The following ZNF445 variants were observed in gnomAD, a reference collection of about 807,000 sequenced individuals.
The protein encoded by ZNF445 is zinc finger protein 445, also known as zinc finger protein 168.
In ZNF445, 19 loss-of-function variants were observed where a neutral mutation model predicts 93.9. The observed-to-expected ratio is 0.20, with a 90% CI of 0.14 to 0.30. ZNF445 has a LOEUF of 0.30. ZNF445 is among the 10% of genes least tolerant of loss of function. ZNF445 has a pLI of 1.00. For missense variants in ZNF445, 1,058 were observed against 1,259.4 expected (o/e 0.84, Z 2.42); for synonymous variants, 449 against 446.3 (o/e 1.01, Z -0.08).
In ZNF445 at chr3:44,451,502, G is replaced by C; in HGVS notation, c.430-20C>G. Reference sequence around the variant, plus strand: ...CGGGTCCTGGCAAGAAGAAAATGTTGTGAGAGGATCTTTCTGGGAATCAGA... The same window carrying C: ...CGGGTCCTGGCAAGAAGAAAATGTTCTGAGAGGATCTTTCTGGGAATCAGA... On this transcript the variant is annotated intron_variant, in intron 3 of 7. Coordinates refer to ENST00000396077, the MANE Select transcript of ZNF445 (RefSeq NM_181489.6). 3 of 1,588,904 alleles carry C rather than the reference G, an allele frequency of 1.9e-6. No individual in the cohort carries two copies. The highest frequency in any genetic ancestry group is 2.6e-6 in the Non-Finnish European group (3 of 1,161,866).
In ZNF445 at chr3:44,446,604, G is replaced by T. The variant is rs777987649; in HGVS notation, c.3067C>A (p.Arg1023=). 6.2e-7 allele frequency: 1 copy of T among 1,614,182 alleles called. No individual in the cohort carries two copies. The highest frequency in any genetic ancestry group is 8.5e-7 in the Non-Finnish European group (1 of 1,180,038). Residue 1023 remains arginine (R), a synonymous_variant, in exon 8 of 8, where the codon CGG becomes AGG. Transcript: ENST00000396077. This position sits in a 1 kb window ranked among gnomAD's most constrained non-coding sequence, Gnocchi z 4.2. ...TCTCTAATATGGTTTTTCATATGCC[G>T]AGCCAGGTTCGAAGACCACCTGAAG... ...KTFRWSSNLA[R]HMKNHIRD is the part of the protein sequence containing the mutation.
Position 44,433,999 on chromosome 3 carries a change from C to T in ZNF445, c.*12576G>A, listed in dbSNP as rs944616456. 5.3e-5 allele frequency: 8 copies of T among 152,150 alleles called. No homozygotes were observed. The highest frequency in any genetic ancestry group is 5.2e-4 in the Admixed American group (8 of 15,276). The allele number at this position is 152,150 out of a possible 1,614,324, so 9.4% of individuals were successfully genotyped here. A position where few individuals can be genotyped will look rare whatever the true frequency, so the allele number is the denominator to read the frequency against. ...TAGAGCTGAGACTCCCAGGCAGCCC[C>T]TTTGGAAAACAGTTTGGCATTTCCC... is the stretch of plus-strand genomic sequence containing the variant. On this transcript the variant is annotated 3_prime_UTR_variant, in exon 8 of 8. Transcript: ENST00000396077.
chr3:44,470,835 G>A (rs1269487634), intron 1 of ZNF445, among the ~76,000 whole-genome samples: 1 of 152,116 alleles, frequency 6.6e-6, no homozygotes, highest in Non-Finnish European at 1.5e-5. Context: ...CAGTAGAAGG[G>A]ACAGCACATT....
Position 44,441,810 on chromosome 3 carries a change from G to A in ZNF445, c.*4765C>T, listed in dbSNP as rs1398329700. The A allele has an allele frequency of 6.6e-6, 1 of 152,042 alleles. No individual in the cohort carries two copies. The highest frequency in any genetic ancestry group is 1.5e-5 in the Non-Finnish European group (1 of 68,004). The allele number at this position is 152,042 out of a possible 1,614,324, so 9.4% of individuals were successfully genotyped here. On this transcript the variant is annotated 3_prime_UTR_variant, in exon 8 of 8. Transcript: ENST00000396077. ...CATGTACCCTCCCCAAATCCATCAG[G>A]TCTCCTGCCTTAGGAAGGCAGAATG...
intron 7 of ZNF445, 25 bp from the exon 8 acceptor site, chr3:44,448,764 A>T (rs1697915983): frequency 6.3e-7 from 1 of 1,588,084 alleles, no homozygotes; most frequent in Non-Finnish European, 8.5e-7. Context: ...AACACAAGAG[A>T]ATGTACTCTT....
chr3:44,467,218 T>A (rs1205173227), intron 1 of ZNF445, among the ~76,000 whole-genome samples: 1 of 152,266 alleles, frequency 6.6e-6, no homozygotes, highest in Non-Finnish European at 1.5e-5. Flanking sequence ...AATATAATCC[T>A]GTGAACAAAA....
Position 44,439,520 on chromosome 3 carries a change from A to C in ZNF445, c.*7055T>G, listed in dbSNP as rs781665305. The C allele has an allele frequency of 6.6e-6, 1 of 152,264 alleles. No homozygotes were observed. The highest frequency in any genetic ancestry group is 1.5e-5 in the Non-Finnish European group (1 of 68,138). The allele number at this position is 152,264 out of a possible 1,614,324, so 9.4% of individuals were successfully genotyped here. The stretch of plus-strand genomic sequence containing the variant: ...ATTAGTAGCTGGGACCTCTCCACAG[A>C]AGCACAGATCCAAAGGCCACAGGGC... On this transcript the variant is annotated 3_prime_UTR_variant, in exon 8 of 8. Transcript: ENST00000396077.
Position 44,444,761 on chromosome 3 carries a change from T to C in ZNF445, c.*1814A>G, listed in dbSNP as rs1367606645. ...CAGAGCCTTCATTTTCACCTGCTCA[T>C]GGCAATCCAGAGCAGGTAAGATTAT... is the stretch of plus-strand genomic sequence containing the variant. On this transcript the variant is annotated 3_prime_UTR_variant, in exon 8 of 8. Transcript: ENST00000396077. 6.6e-6 allele frequency: 1 copy of C among 152,156 alleles called. No homozygotes were observed. Among genetic ancestry groups the C allele is most frequent in the Non-Finnish European group, 1.5e-5 (1 of 68,052 alleles). 9.4% of individuals were successfully genotyped at this position (152,156 alleles called of 1,614,324 possible). A position where few individuals can be genotyped will look rare whatever the true frequency, so the allele number is the denominator to read the frequency against.
chr3:44,447,489 T>C lies in ZNF445; in HGVS notation c.2182A>G (p.Lys728Glu). ...TTTCTTTTCATGGCATGCTTCTTCT[T>C]ATGAACAATAAAGGCTGACCTATAG... ...FAYRSAFIVHKKKHAMKRKPE... is the reference protein window; with the variant it reads ...FAYRSAFIVHEKKHAMKRKPE... The change falls in exon 8 of 8, where the codon AAG (lysine) becomes GAG (glutamate). Residue 728 changes from lysine (K) to glutamate (E), a missense_variant. By Grantham distance (56) the Lys-to-Glu change is moderately conservative. Around this residue, in one of 3 missense-constraint regions of ZNF445, gnomAD observed 387 missense variants for 475.7 expected, o/e 0.81. Transcript: ENST00000396077. The surrounding 1 kb of genome is among the most constrained non-coding windows in gnomAD (Gnocchi z 4.7). 6.2e-7 allele frequency: 1 copy of C among 1,614,194 alleles called. No individual in the cohort carries two copies. Among genetic ancestry groups the C allele is most frequent in the African/African-American group, 1.3e-5 (1 of 75,054 alleles).
At chr3:44,454,520 ACC>A (rs1698000604) in intron 3 of ZNF445, among the ~76,000 whole-genome samples, 2 of 152,120 alleles carry the variant, frequency 1.3e-5, no homozygotes, top group African/African-American at 2.4e-5. Context: ...TGCAGCCTTG[ACC>A]TAACCTGGGT....
chr3:44,447,849 A>G lies in ZNF445; in HGVS notation c.1822T>C (p.Cys608Arg). Residue 608 changes from cysteine to arginine, a missense_variant, in exon 8 of 8, where the codon TGT (cysteine) becomes CGT (arginine). By Grantham distance (180) the Cys-to-Arg change is radical. Around this residue, in one of 3 missense-constraint regions of ZNF445, gnomAD observed 657 missense variants for 746.4 expected, o/e 0.88. Coordinates refer to ENST00000396077, the MANE Select transcript of ZNF445 (RefSeq NM_181489.6). The surrounding 1 kb of genome is among the most constrained non-coding windows in gnomAD (Gnocchi z 4.7). The part of the protein sequence containing the change: ...DCSQCRKSFH[C>R]KSYVLEHQRI... ...TGATGTTCAAGAACATATGACTTAC[A>G]GTGGAAGGATTTCCTGCACTGGCTG... 1 of 1,614,108 alleles carries G rather than the reference A, an allele frequency of 6.2e-7. No homozygotes were observed.
rs971815521 is a variant in ZNF445 at position 44,447,589 on chromosome 3, T to C, written c.2082A>G (p.Lys694=). Residue 694 remains lysine, a synonymous_variant, in exon 8 of 8, where the codon AAA becomes AAG. Transcript: ENST00000396077. This position sits in a 1 kb window ranked among gnomAD's most constrained non-coding sequence, Gnocchi z 4.7. ...GAATTCTCTGGTGGTCAACGAGAGT[T>C]TTCTTTCTAGTAAAAGTTTTCCCAC... ...QQCGKTFTRK[K]TLVDHQRIHT... 1 of 1,614,178 alleles carries C rather than the reference T, an allele frequency of 6.2e-7. No individual in the cohort carries two copies. Among genetic ancestry groups the C allele is most frequent in the Non-Finnish European group, 8.5e-7 (1 of 1,180,030 alleles).
rs1021322704 is a variant in ZNF445, at chr3:44,435,727, A to G, written c.*10848T>C. ...ATTCTGCCCATTGTTGACTATGTCT[A>G]TTCTAATTACGCATTCTAGAACCAG... On this transcript the variant is annotated 3_prime_UTR_variant, in exon 8 of 8. Coordinates refer to ENST00000396077, the MANE Select transcript of ZNF445 (RefSeq NM_181489.6). 4 of 152,210 alleles carry G rather than the reference A, an allele frequency of 2.6e-5. No homozygotes were observed. Among genetic ancestry groups the G allele is most frequent in the African/African-American group, 9.7e-5 (4 of 41,450 alleles). 9.4% of individuals were successfully genotyped at this position (152,210 alleles called of 1,614,324 possible).
rs1697841344 is a variant in ZNF445 at position 44,443,730 on chromosome 3, T to C, written c.*2845A>G. Reference sequence around the variant, plus strand: ...GAGATCGCGCCACTGCACTCTAGCCTGGGTAACAGAGTGAGACTCCGTATC... The same window carrying C: ...GAGATCGCGCCACTGCACTCTAGCCCGGGTAACAGAGTGAGACTCCGTATC... On this transcript the variant is annotated 3_prime_UTR_variant, in exon 8 of 8. Transcript: ENST00000396077. The C allele has an allele frequency of 2.0e-5, 3 of 151,186 alleles. No individual in the cohort carries two copies. Among genetic ancestry groups the C allele is most frequent in the African/African-American group, 7.3e-5 (3 of 40,992 alleles). The allele number at this position is 151,186 out of a possible 1,614,324, so 9.4% of individuals were successfully genotyped here.
chr3:44,432,263 G>GTGTGTC lies in ZNF445; in HGVS notation c.*14311_*14312insGACACA, dbSNP rs1697567008. On this transcript the variant is annotated 3_prime_UTR_variant, in exon 8 of 8. Coordinates refer to ENST00000396077, the MANE Select transcript of ZNF445 (RefSeq NM_181489.6). ...TTGGAACACATCTACACTCATTTGT[G>GTGTGTC]TGTGTGTGTCTGTGTGTGTGTGTGT... 1 of 138,280 alleles carries GTGTGTC rather than the reference G, an allele frequency of 7.2e-6. No homozygotes were observed. Among genetic ancestry groups the GTGTGTC allele is most frequent in the African/African-American group, 2.9e-5 (1 of 34,104 alleles). The allele number at this position is 138,280 out of a possible 1,614,324, so 8.6% of individuals were successfully genotyped here.
intron 1 of ZNF445, among the ~76,000 whole-genome samples, chr3:44,466,917 GAAGT>G (rs1698204066): frequency 6.6e-6 from 1 of 152,192 alleles, no homozygotes; most frequent in Non-Finnish European, 1.5e-5. Context: ...GTATGCCACA[GAAGT>G]AACCAAAATT....
At chr3:44,464,049 C>A (rs967873432) in intron 1 of ZNF445, among the ~76,000 whole-genome samples, 1 of 152,140 alleles carries the variant, frequency 6.6e-6, no homozygotes, top group Non-Finnish European at 1.5e-5. Context: ...TCGCTTGAAC[C>A]TGGGAAGTGG....
chr3:44,449,422 A>G, intron 7 of ZNF445, 91 bp downstream of exon 7: 1 of 1,070,520 alleles, frequency 9.3e-7, no homozygotes, highest in Non-Finnish European at 1.4e-6. Context: ...CCAGCAAACA[A>G]TGGAGTAAAT....
rs1234597957 is a variant in ZNF445 at position 44,439,908 on chromosome 3, T to C, written c.*6667A>G. On this transcript the variant is annotated 3_prime_UTR_variant, in exon 8 of 8. Transcript: ENST00000396077. ...GTTGTGGTTATGAGAGCTCAGTGCA[T>C]TTGACAGTCAGGGTTTGCACAGTTT... is the stretch of plus-strand genomic sequence containing the variant. The C allele has an allele frequency of 1.3e-5, 2 of 152,204 alleles. No individual in the cohort carries two copies. The highest frequency in any genetic ancestry group is 2.4e-5 in the African/African-American group (1 of 41,440). 9.4% of individuals were successfully genotyped at this position (152,204 alleles called of 1,614,324 possible).
Sources: gnomAD v4.1 joint callset for allele counts (sites outside exome capture counted in the v4.1 genomes callset) on GRCh38, gnomAD v4.1.1 for gene constraint, gnomAD v4.1.1 regional missense constraint, Gnocchi (gnomAD v3.1) non-coding constraint, MANE v1.5 for transcripts, NCBI Gene and HGNC (gene_info 2026-07-23, HGNC 2026-07-21) for gene names.